Variants in TSPAN12 observed in about 807,000 individuals in gnomAD.
TSPAN12 encodes tetraspanin 12, also known as tetraspanin-12.
A neutral mutation model predicts 39.2 loss-of-function variants in TSPAN12; 19 were observed. The ratio of observed to expected loss-of-function variants is 0.49; its 90% CI spans 0.34 to 0.71. The LOEUF (loss-of-function observed/expected upper bound fraction) is 0.71, where lower values mean the gene tolerates loss of function less well. TSPAN12 is among the 30% of genes least tolerant of loss of function. The pLI is 0.01. For synonymous variants in TSPAN12, 119 were observed against 124.8 expected, an observed-to-expected ratio of 0.95 and a Z score of 0.31; for missense variants, 314 against 359.9, an observed-to-expected ratio of 0.87 and a Z score of 1.03.
chr7:120,832,427 G>A (rs1457046753), intron 4 of TSPAN12, among the ~76,000 whole-genome samples: 3 of 151,900 alleles, frequency 2.0e-5, no homozygotes, highest in Admixed American at 6.6e-5. Flanking sequence ...TCTAAGTTTT[G>A]CCTAAGCTTA....
At chr7:120,853,278 G>C (rs925980063) in intron 2 of TSPAN12, among the ~76,000 whole-genome samples, 2 of 151,472 alleles carry the variant, frequency 1.3e-5, no homozygotes, top group African/African-American at 2.4e-5. Context: ...ATTTTTAGTA[G>C]AGACAGGGTT....
intron 5 of TSPAN12, among the ~76,000 whole-genome samples, chr7:120,814,630 A>T (rs1794045548): frequency 6.6e-6 from 1 of 152,220 alleles, no homozygotes; most frequent in African/African-American, 2.4e-5. Flanking sequence ...CCCTCAATGA[A>T]GTAAGCAAAT....
At chr7:120,846,327 A>T (rs1318366832) in intron 2 of TSPAN12, among the ~76,000 whole-genome samples, 4 of 151,794 alleles carry the variant, frequency 2.6e-5, no homozygotes, top group Admixed American at 2.0e-4. Context: ...GTTATAAAAA[A>T]CTCCTCTCTT....
Position 120,856,695 on chromosome 7 carries a change from T to C in TSPAN12, c.66+3A>G. The C allele has an allele frequency of 6.2e-7, 1 of 1,614,188 alleles. No individual in the cohort carries two copies. The highest frequency in any genetic ancestry group is 8.5e-7 in the Non-Finnish European group (1 of 1,180,024). ...ACCTGTTGGTGCAGTGAAACTTACTTACCCAAAAGAGCAGATTGAGGGCGT... is the reference window on the plus strand; with the variant it reads ...ACCTGTTGGTGCAGTGAAACTTACTCACCCAAAAGAGCAGATTGAGGGCGT... On this transcript the variant is annotated splice_donor_region_variant and intron_variant, in intron 2 of 7. Coordinates refer to ENST00000222747, the MANE Select transcript of TSPAN12 (RefSeq NM_012338.4).
chr7:120,857,915 C>CGGAGGGCTGCATTGGCTTCAGCT lies in TSPAN12; in HGVS notation c.-189_-167dup, dbSNP rs1462522986. The CGGAGGGCTGCATTGGCTTCAGCT allele has an allele frequency of 2.6e-5, 4 of 152,144 alleles. No homozygotes were observed. Among genetic ancestry groups the CGGAGGGCTGCATTGGCTTCAGCT allele is most frequent in the African/African-American group, 9.7e-5 (4 of 41,278 alleles). 9.4% of individuals were successfully genotyped at this position (152,144 alleles called of 1,614,324 possible). The stretch of plus-strand genomic sequence containing the variant: ...GGCAGGGAACTTCTTCGCGGAGAGC[C>CGGAGGGCTGCATTGGCTTCAGCT]GGAGGGCTGCATTGGCTTCAGCTGG... On this transcript the variant is annotated 5_prime_UTR_variant, in exon 1 of 8. In the 5' UTR this introduces an upstream ATG that the reference lacks. Coordinates refer to ENST00000222747, the MANE Select transcript of TSPAN12 (RefSeq NM_012338.4).
chr7:120,856,851 G>A lies in TSPAN12; in HGVS notation c.-70-18C>T, dbSNP rs1401673668. The A allele has an allele frequency of 2.8e-4, 394 of 1,390,784 alleles. 1 individual carries two copies. Among genetic ancestry groups the A allele is most frequent in the Middle Eastern group, 1.8e-4 (1 of 5,506 alleles). The allele number at this position is 1,390,784 out of a possible 1,614,324, so 86.2% of individuals were successfully genotyped here. On this transcript the variant is annotated intron_variant, in intron 1 of 7. Transcript: ENST00000222747. ...GCAGCGATCTGCAGGGGGCGGGGGAGAGAGAACACGGGACATCTCACCATC... is the reference window on the plus strand; with the variant it reads ...GCAGCGATCTGCAGGGGGCGGGGGAAAGAGAACACGGGACATCTCACCATC...
chr7:120,840,439 T>C (rs1395488401), intron 2 of TSPAN12, among the ~76,000 whole-genome samples: 1 of 152,214 alleles, frequency 6.6e-6, no homozygotes, highest in Non-Finnish European at 1.5e-5. Context: ...ACATTGTCAT[T>C]CTTAAAGGCA....
rs1220271547 is a variant in TSPAN12, at chr7:120,788,190, T to C, written c.*402A>G. On this transcript the variant is annotated 3_prime_UTR_variant, in exon 8 of 8. Transcript: ENST00000222747. ...GTTATTAGTATTTTCTAACTTCCTA[T>C]GTTAGCATTTAATTAGTACTTTATA... is the stretch of plus-strand genomic sequence containing the variant. The C allele has an allele frequency of 5.6e-6, 1 of 178,110 alleles. No individual in the cohort carries two copies. Among genetic ancestry groups the C allele is most frequent in the African/African-American group, 2.4e-5 (1 of 41,888 alleles). The allele number at this position is 178,110 out of a possible 1,614,324, so 11.0% of individuals were successfully genotyped here.
chr7:120,806,431 T>G, intron 7 of TSPAN12, 118 bp downstream of exon 7: 1 of 1,136,576 alleles, frequency 8.8e-7, no homozygotes, highest in Non-Finnish European at 1.3e-6. Flanking sequence ...TAGAGAAAAA[T>G]TTTAAGGCCT....
intron 2 of TSPAN12, among the ~76,000 whole-genome samples, chr7:120,844,719 C>A (rs1794640463): frequency 6.6e-6 from 1 of 152,204 alleles, no homozygotes; most frequent in African/African-American, 2.4e-5. Flanking sequence ...AGGGTACAGT[C>A]CCTGTGGTTG....
At chr7:120,792,496 G>A (rs1261082416) in intron 7 of TSPAN12, among the ~76,000 whole-genome samples, 2 of 125,110 alleles carry the variant, frequency 1.6e-5, no homozygotes, top group Non-Finnish European at 3.6e-5. Flanking sequence ...CACATGAATA[G>A]GGCTGTGCTT....
chr7:120,842,904 C>G (rs146532370), intron 2 of TSPAN12, among the ~76,000 whole-genome samples: 1 of 151,400 alleles, frequency 6.6e-6, no homozygotes, highest in East Asian at 1.9e-4. Flanking sequence ...ATTTGTAGGA[C>G]GCATTCTAGA....
intron 3 of TSPAN12, 72 bp downstream of exon 3, chr7:120,839,955 C>A: frequency 8.0e-7 from 1 of 1,249,036 alleles, no homozygotes; most frequent in South Asian, 1.2e-5. Context: ...AGAGCACTAC[C>A]ATATAAATAG....
At chr7:120,802,284 C>T (rs1197232625) in intron 7 of TSPAN12, among the ~76,000 whole-genome samples, 2 of 152,160 alleles carry the variant, frequency 1.3e-5, no homozygotes. Context: ...CCCAGACCAC[C>T]CAAGGGTGGG....
At chr7:120,833,628 C>T (rs1013412444) in intron 4 of TSPAN12, among the ~76,000 whole-genome samples, 3 of 152,086 alleles carry the variant, frequency 2.0e-5, no homozygotes, top group Admixed American at 6.5e-5. Context: ...GTATTAAATA[C>T]GTAAGGTACA....
intron 5 of TSPAN12, chr7:120,813,977 C>CT (rs1222526396): frequency 4.5e-6 from 1 of 222,958 alleles, no homozygotes; most frequent in East Asian, 1.4e-4. Flanking sequence ...GCTAACTTTT[C>CT]ACCTTTTCAG....
At chr7:120,804,570 A>G (rs1793833442) in intron 7 of TSPAN12, among the ~76,000 whole-genome samples, 1 of 152,194 alleles carries the variant, frequency 6.6e-6, no homozygotes, top group African/African-American at 2.4e-5. Flanking sequence ...AATGCTTCTC[A>G]GCAGTGTGAG....
At chr7:120,820,216 A>G (rs892749670) in intron 4 of TSPAN12, among the ~76,000 whole-genome samples, 3 of 152,090 alleles carry the variant, frequency 2.0e-5, no homozygotes, top group African/African-American at 7.2e-5. Context: ...TTGGAGTTAG[A>G]TTTAAGTTCA....
intron 2 of TSPAN12, 98 bp from the exon 3 acceptor site, chr7:120,840,207 T>C: frequency 1.1e-6 from 1 of 924,366 alleles, no homozygotes; most frequent in Non-Finnish European, 1.8e-6. Flanking sequence ...ACATAATATC[T>C]TTCCCAATTA....
Sources: allele counts gnomAD v4.1 joint callset (sites outside exome capture counted in the v4.1 genomes callset), GRCh38; gene constraint gnomAD v4.1.1; transcripts MANE v1.5; gene names NCBI Gene and HGNC (gene_info 2026-07-23, HGNC 2026-07-21).